MDGA2: variants seen among roughly 807,000 people sequenced by gnomAD.
MDGA2 encodes MAM domain-containing glycosylphosphatidylinositol anchor protein 2.
Under a neutral mutation model 117.8 loss-of-function variants are expected in MDGA2, and 40 were observed. The ratio of observed to expected loss-of-function variants is 0.34; its 90% CI spans 0.26 to 0.44. The LOEUF (loss-of-function observed/expected upper bound fraction) is 0.44, where lower values mean the gene tolerates loss of function less well. Among genes scored for constraint, MDGA2 ranks in the 20% least tolerant of loss-of-function variants. The pLI is 1.00. For synonymous variants in MDGA2, 452 were observed against 439.0 expected (o/e 1.03, Z -0.37); for missense variants, 1,123 against 1,250.6 (o/e 0.90, Z 1.54).
At chr14:47,405,578 A>G (rs1892244686) in intron 1 of MDGA2, among the ~76,000 whole-genome samples, 1 of 152,178 alleles carries the variant, frequency 6.6e-6, no homozygotes, top group African/African-American at 2.4e-5. Context: ...AAAGCTACAC[A>G]CTTGACTTTG....
chr14:47,215,173 T>G (rs1422406649), intron 3 of MDGA2, among the ~76,000 whole-genome samples: 2 of 152,072 alleles, frequency 1.3e-5, no homozygotes, highest in Admixed American at 1.3e-4. Context: ...AGGCATGATT[T>G]CAGATAAAAA....
At chr14:47,447,263 T>G (rs900504287) in intron 1 of MDGA2, among the ~76,000 whole-genome samples, 1 of 152,138 alleles carries the variant, frequency 6.6e-6, no homozygotes, top group Non-Finnish European at 1.5e-5. Context: ...GGAAGTTTCT[T>G]GCTGAAGACA....
rs368105825 is a variant in MDGA2 at position 46,950,725 on chromosome 14, T to G, written c.2089+6649A>C. ...GACTGCTCTTACTTCTGATAGTTAT[T>G]AATGATTTTTAACAATATTATGTTG... On this transcript the variant is annotated intron_variant, in intron 9 of 16. Coordinates refer to ENST00000399232, the MANE Select transcript of MDGA2 (RefSeq NM_001113498.3). 2.6e-5 allele frequency among the ~76,000 whole-genome samples: 4 copies of G among 152,092 alleles called. No individual in the cohort carries two copies. The South Asian group carries it at 8.3e-4, about 31-fold the overall frequency.
rs1333146075 is a variant in MDGA2 at position 47,376,330 on chromosome 14, A to T, written c.281-74780T>A. The stretch of plus-strand genomic sequence containing the variant: ...TTATTCTATACTTGTTTTTCTGGAA[A>T]ATATCATTAGTATCCATATTTACAT... On this transcript the variant is annotated intron_variant, in intron 1 of 16. Coordinates refer to ENST00000399232, the MANE Select transcript of MDGA2 (RefSeq NM_001113498.3). Among the ~76,000 whole-genome samples, 4 of 152,202 alleles carry T rather than the reference A, an allele frequency of 2.6e-5. No homozygotes were observed. In the East Asian group the frequency reaches 7.7e-4, roughly 29 times the overall value.
At chr14:47,357,951 C>T (rs1308287101) in intron 1 of MDGA2, among the ~76,000 whole-genome samples, 1 of 152,114 alleles carries the variant, frequency 6.6e-6, no homozygotes, top group African/African-American at 2.4e-5. Flanking sequence ...TAGAATGTCT[C>T]AGAGGGGGAT....
chr14:47,120,003 C>A (rs866762402), intron 5 of MDGA2, among the ~76,000 whole-genome samples: 1 of 152,142 alleles, frequency 6.6e-6, no homozygotes, highest in African/African-American at 2.4e-5. Flanking sequence ...TTCAGAACTA[C>A]AAACATTTGC....
At chr14:47,104,588 G>A (rs1005495503) in intron 5 of MDGA2, among the ~76,000 whole-genome samples, 35 of 150,306 alleles carry the variant, frequency 2.3e-4, no homozygotes, top group African/African-American at 3.4e-4. Flanking sequence ...CTCTCTTTTC[G>A]GACTCAGCCT....
In MDGA2 at chr14:47,180,449, G is replaced by A. The variant is rs572451834; in HGVS notation, c.596-36175C>T. ...GAGAGAAATTTTTTGCAAACTATGC[G>A]TCTGACAAAGGTGTACTATCTAGCA... On this transcript the variant is annotated intron_variant, in intron 3 of 16. Coordinates refer to ENST00000399232, the MANE Select transcript of MDGA2 (RefSeq NM_001113498.3). 4.6e-5 allele frequency among the ~76,000 whole-genome samples: 7 copies of A among 152,132 alleles called. No individual in the cohort carries two copies. In the South Asian group the frequency reaches 1.0e-3, roughly 23 times the overall value.
At chr14:47,282,273 A>C (rs977417735) in intron 2 of MDGA2, among the ~76,000 whole-genome samples, 1 of 152,178 alleles carries the variant, frequency 6.6e-6, no homozygotes, top group Non-Finnish European at 1.5e-5. Context: ...TATATTTGAC[A>C]TTAATGCAGT....
chr14:47,440,402 C>T (rs974999994), intron 1 of MDGA2, among the ~76,000 whole-genome samples: 1 of 152,104 alleles, frequency 6.6e-6, no homozygotes, highest in African/African-American at 2.4e-5. Context: ...TGTGCCATTT[C>T]CTCACTCATG....
At chr14:47,293,794 G>GAGA (rs1888969446) in intron 2 of MDGA2, among the ~76,000 whole-genome samples, 1 of 152,076 alleles carries the variant, frequency 6.6e-6, no homozygotes, top group Admixed American at 6.5e-5. Context: ...AACTTTTCTT[G>GAGA]AGAATTTTAA....
At position 46,882,211 on chromosome 14, in the gene MDGA2, T is replaced by G; in HGVS notation, c.2249A>C (p.Gln750Pro). 6.2e-7 allele frequency: 1 copy of G among 1,608,908 alleles called. No individual in the cohort carries two copies. Among genetic ancestry groups the G allele is most frequent in the South Asian group, 1.1e-5 (1 of 90,060 alleles). Reference protein sequence around the residue: ...YRLGIRQAGQQRWWEQEIKIN... With the variant: ...YRLGIRQAGQPRWWEQEIKIN... Reference sequence around the variant, plus strand: ...TTTAATCTCCTGCTCCCACCAGCGCTGCTGTCCAGCCTGAAATCAAAACAA... The same window carrying G: ...TTTAATCTCCTGCTCCCACCAGCGCGGCTGTCCAGCCTGAAATCAAAACAA... The change falls in exon 11 of 17, where the codon CAG (glutamine) becomes CCG (proline). Residue 750 changes from glutamine to proline, a missense_variant. Gln to Pro is a moderately conservative substitution (Grantham distance 76). Transcript: ENST00000399232.
At chr14:47,289,828 T>C (rs61993084) in intron 2 of MDGA2, among the ~76,000 whole-genome samples, 42,304 of 151,958 alleles carry the variant, frequency 0.28, 6,689 homozygotes, top group Admixed American at 0.47. Flanking sequence ...AATACATAGA[T>C]TTCACAGAGA....
intron 8 of MDGA2, among the ~76,000 whole-genome samples, chr14:47,027,627 T>TTA (rs145057227): frequency 0.56 from 81,287 of 145,774 alleles, 23,706 homozygotes; most frequent in Non-Finnish European, 0.66. Flanking sequence ...ATATTATATA[T>TTA]TATATATATA....
chr14:47,035,112 T>C lies in MDGA2; in HGVS notation c.1718A>G (p.Asn573Ser), dbSNP rs760226747. The C allele has an allele frequency of 3.7e-6, 6 of 1,614,158 alleles. No homozygotes were observed. Among genetic ancestry groups the C allele is most frequent in the South Asian group, 3.3e-5 (3 of 91,084 alleles). ...CATTCCTGACATTTCCCTAGATACA[T>C]TCACAATCCTCAGTGTTCCATCATA... ...ESYDGTLRIV[N>S]VSREMSGMYR... The change falls in exon 8 of 17, where the codon AAT (asparagine) becomes AGT (serine). Residue 573 changes from asparagine (N) to serine (S), a missense_variant. This residue lies in a region of MDGA2 where 890 missense variants were observed against 1,050.3 expected (regional missense o/e 0.85). Transcript: ENST00000399232.
intron 1 of MDGA2, among the ~76,000 whole-genome samples, chr14:47,318,747 T>A (rs1233264305): frequency 6.9e-6 from 1 of 144,910 alleles, no homozygotes; most frequent in African/African-American, 2.6e-5. Flanking sequence ...CCTATCTAGA[T>A]CTGTAGTAGA....
Position 47,384,585 on chromosome 14 carries a change from T to C in MDGA2, c.281-83035A>G, listed in dbSNP as rs1485902393. 3.9e-5 allele frequency among the ~76,000 whole-genome samples: 6 copies of C among 152,058 alleles called. No homozygotes were observed. The South Asian group carries it at 1.0e-3, about 26-fold the overall frequency. ...TTGCATTCCCTCTTTTCCAACCCAG[T>C]ATATTTCATACTTTTATGTTTTGCA... On this transcript the variant is annotated intron_variant, in intron 1 of 16. Coordinates refer to ENST00000399232, the MANE Select transcript of MDGA2 (RefSeq NM_001113498.3).
intron 1 of MDGA2, among the ~76,000 whole-genome samples, chr14:47,389,161 A>G (rs1404348022): frequency 7.0e-6 from 1 of 143,294 alleles, no homozygotes; most frequent in Admixed American, 6.7e-5. Flanking sequence ...TTTCAAATAC[A>G]TCCAGCACAG....
chr14:47,626,948 G>C (rs1897156857), intron 1 of MDGA2, among the ~76,000 whole-genome samples: 1 of 152,244 alleles, frequency 6.6e-6, no homozygotes, highest in African/African-American at 2.4e-5. Flanking sequence ...GGATCCACTG[G>C]GTGAATTCAG....
Sources: allele counts gnomAD v4.1 joint callset (sites outside exome capture counted in the v4.1 genomes callset), GRCh38; gene constraint gnomAD v4.1.1; regional missense constraint gnomAD v4.1.1; transcripts MANE v1.5; gene names NCBI Gene and HGNC (gene_info 2026-07-23, HGNC 2026-07-21).